PTPRJ: variants seen among roughly 807,000 people sequenced by gnomAD.
PTPRJ encodes the protein receptor-type tyrosine-protein phosphatase eta.
A neutral mutation model predicts 141.3 loss-of-function variants in PTPRJ; 129 were observed. That is an observed-to-expected ratio of 0.91 (90% CI 0.79 to 1.06). The LOEUF (loss-of-function observed/expected upper bound fraction) is 1.06, where lower values mean the gene tolerates loss of function less well. Ranked by LOEUF, PTPRJ falls within the 50% of genes least tolerant of loss-of-function variation. The pLI is 0.00. For missense variants in PTPRJ, 1,601 were observed against 1,679.7 expected (o/e 0.95, Z 0.82); for synonymous variants, 610 against 640.5 (o/e 0.95, Z 0.72).
At chr11:48,164,558 A>ATTTTTTTTTTTTTTTTT (rs60806872) in intron 24 of PTPRJ, 43 bp downstream of exon 24, 1 of 715,256 alleles carries the variant, frequency 1.4e-6, no homozygotes. Context: ...CTTCCCCTCC[A>ATTTTTTTTTTTTTTTTT]TTTTTTTTTT....
chr11:48,053,258 T>TATAATTTATA (rs1565278410), intron 1 of PTPRJ, among the ~76,000 whole-genome samples: 3 of 81,888 alleles, frequency 3.7e-5, no homozygotes, highest in African/African-American at 1.9e-4. Context: ...ATAATATATA[T>TATAATTTATA]AATATATTAT....
intron 3 of PTPRJ, among the ~76,000 whole-genome samples, chr11:48,114,797 A>G (rs1856525285): frequency 6.6e-6 from 1 of 152,244 alleles, no homozygotes; most frequent in African/African-American, 2.4e-5. Context: ...AGCAAACTTT[A>G]AGAAAATACA....
chr11:48,133,063 G>C (rs1242425966), intron 8 of PTPRJ, among the ~76,000 whole-genome samples: 1 of 152,154 alleles, frequency 6.6e-6, no homozygotes, highest in Non-Finnish European at 1.5e-5. Flanking sequence ...AATATGCTGG[G>C]GGTCTGCGAA....
chr11:48,156,018 C>A lies in PTPRJ; in HGVS notation c.3337C>A (p.Gln1113Lys). Residue 1113 changes from glutamine to lysine, a missense_variant, in exon 21 of 25, where the codon CAA becomes AAA. Transcript: ENST00000418331. ...YHSKKDFIAT[Q>K]GPLPNTLKDF... ...CTCCAAGAAAGATTTTATTGCCACACAAGGACCTTTACCGAACACTTTGAA... is the reference window on the plus strand; with the variant it reads ...CTCCAAGAAAGATTTTATTGCCACAAAAGGACCTTTACCGAACACTTTGAA... 3 of 1,608,980 alleles carry A rather than the reference C, an allele frequency of 1.9e-6. No homozygotes were observed. The highest frequency in any genetic ancestry group is 2.6e-6 in the Non-Finnish European group (3 of 1,175,364).
chr11:48,121,247 A>G lies in PTPRJ; in HGVS notation c.597A>G (p.Arg199=), dbSNP rs113013919. 6.2e-7 allele frequency: 1 copy of G among 1,614,060 alleles called. No individual in the cohort carries two copies. The highest frequency in any genetic ancestry group is 1.7e-5 in the Admixed American group (1 of 60,032). The change falls in exon 4 of 25, where the codon AGA becomes AGG. Residue 199 remains arginine (R), a synonymous_variant. Coordinates refer to ENST00000418331, the MANE Select transcript of PTPRJ (RefSeq NM_002843.4). ...GCAATGAGACTTGGGGAGATCCCAGAGTCATAAAAGTCATCACAGGTAAGA... is the reference window on the plus strand; with the variant it reads ...GCAATGAGACTTGGGGAGATCCCAGGGTCATAAAAGTCATCACAGGTAAGA... The part of the protein sequence containing the change: ...GIGNETWGDP[R]VIKVITEPIP...
At position 48,153,882 on chromosome 11, in the gene PTPRJ, G is replaced by A; in HGVS notation, c.3225G>A (p.Leu1075=). 6.2e-7 allele frequency: 1 copy of A among 1,607,454 alleles called. No homozygotes were observed. The highest frequency in any genetic ancestry group is 1.3e-5 in the African/African-American group (1 of 74,914). ...GAAAGAATCGCTATAATAATGTTCT[G>A]CCCTGTAAGTTATTTTATCTACAGC... is the stretch of plus-strand genomic sequence containing the variant. ...NRGKNRYNNV[L]PYDISRVKLS... The change falls in exon 19 of 25, where the codon CTG becomes CTA. Residue 1075 remains leucine (L), a synonymous_variant. Transcript: ENST00000418331.
intron 1 of PTPRJ, among the ~76,000 whole-genome samples, chr11:48,071,066 G>A (rs1438826198): frequency 6.6e-6 from 1 of 152,056 alleles, no homozygotes. Flanking sequence ...AGAGGTAGAG[G>A]GACTTGGTTA....
intron 6 of PTPRJ, 56 bp from the exon 7 acceptor site, chr11:48,127,724 C>T: frequency 1.3e-6 from 2 of 1,575,980 alleles, no homozygotes; most frequent in Non-Finnish European, 1.7e-6. Flanking sequence ...GATGACCTCT[C>T]CCTCCCTCTG....
At chr11:48,041,771 C>T (rs1314269701) in intron 1 of PTPRJ, among the ~76,000 whole-genome samples, 4 of 151,978 alleles carry the variant, frequency 2.6e-5, no homozygotes, top group South Asian at 4.1e-4. Context: ...ACCACAGGCA[C>T]GTGCCACCAT....
chr11:48,165,303 T>G (rs11820838), intron 24 of PTPRJ, among the ~76,000 whole-genome samples: 1 of 152,244 alleles, frequency 6.6e-6, no homozygotes. Context: ...CTTGTACATT[T>G]TAAAGACTAT....
intron 8 of PTPRJ, among the ~76,000 whole-genome samples, chr11:48,133,476 A>T (rs1318874221): frequency 6.6e-6 from 1 of 152,070 alleles, no homozygotes; most frequent in South Asian, 2.1e-4. Context: ...TAAGATCTAA[A>T]CTCTTAGGGG....
chr11:48,101,257 G>T (rs1250062526), intron 1 of PTPRJ, among the ~76,000 whole-genome samples: 1 of 152,198 alleles, frequency 6.6e-6, no homozygotes. Context: ...ATAGGTGGTG[G>T]TGCCAGGCTT....
intron 2 of PTPRJ, among the ~76,000 whole-genome samples, chr11:48,111,888 C>T (rs1259113732): frequency 6.6e-6 from 1 of 151,968 alleles, no homozygotes; most frequent in Non-Finnish European, 1.5e-5. Flanking sequence ...AGGCTTTAGG[C>T]CTGGCCCTGA....
At chr11:48,021,030 T>C (rs974500335) in intron 1 of PTPRJ, among the ~76,000 whole-genome samples, 1 of 152,190 alleles carries the variant, frequency 6.6e-6, no homozygotes, top group Non-Finnish European at 1.5e-5. Flanking sequence ...CATTTTACTC[T>C]TCTGTGGTAG....
intron 8 of PTPRJ, among the ~76,000 whole-genome samples, chr11:48,130,935 T>C (rs937476751): frequency 7.3e-5 from 11 of 151,066 alleles, no homozygotes; most frequent in Admixed American, 2.6e-4. Context: ...TCACTTTTGA[T>C]GTATGACATT....
chr11:48,098,268 C>A (rs971490739), intron 1 of PTPRJ, among the ~76,000 whole-genome samples: 28 of 152,238 alleles, frequency 1.8e-4, no homozygotes, highest in African/African-American at 6.0e-4. Flanking sequence ...TGGGGAAGGC[C>A]ACGAGCTAGG....
At chr11:48,080,745 CCT>C (rs1386752900) in intron 1 of PTPRJ, among the ~76,000 whole-genome samples, 1 of 152,186 alleles carries the variant, frequency 6.6e-6, no homozygotes, top group Non-Finnish European at 1.5e-5. Context: ...TAAAACTGCC[CCT>C]GACACCCCGG....
At chr11:48,076,883 T>C (rs992506629) in intron 1 of PTPRJ, among the ~76,000 whole-genome samples, 3 of 152,322 alleles carry the variant, frequency 2.0e-5, no homozygotes, top group African/African-American at 7.2e-5. Context: ...TTTTTTGTTT[T>C]TGAGATGGAG....
chr11:48,106,103 A>AT (rs916315427), intron 1 of PTPRJ, among the ~76,000 whole-genome samples: 14 of 152,228 alleles, frequency 9.2e-5, no homozygotes, highest in African/African-American at 2.6e-4. Flanking sequence ...AGTTCTATTT[A>AT]TTTTTTTACT....
Sources: allele counts gnomAD v4.1 joint callset (sites outside exome capture counted in the v4.1 genomes callset), GRCh38; gene constraint gnomAD v4.1.1; transcripts MANE v1.5; gene names NCBI Gene and HGNC (gene_info 2026-07-23, HGNC 2026-07-21).